The following DACH1 variants were observed in gnomAD, a reference collection of about 807,000 sequenced individuals.
The protein encoded by DACH1 is dachshund homolog 1.
Under a neutral mutation model 54.2 loss-of-function variants are expected in DACH1, and 12 were observed. The observed-to-expected ratio is 0.22, with a 90% CI of 0.14 to 0.36. DACH1 has a LOEUF of 0.36. Ranked by LOEUF, DACH1 falls within the 10% of genes least tolerant of loss-of-function variation. DACH1 has a pLI of 1.00. For synonymous variants in DACH1, 386 were observed against 366.2 expected (o/e 1.05, Z -0.62); for missense variants, 805 against 929.8 (o/e 0.87, Z 1.75).
chr13:71,459,009 C>T (rs1448667213), intron 10 of DACH1, among the ~76,000 whole-genome samples: 1 of 151,752 alleles, frequency 6.6e-6, no homozygotes, highest in East Asian at 1.9e-4. Flanking sequence ...AGTGAATTGG[C>T]TGCTACAGAT....
At chr13:71,451,805 G>A (rs1432443655) in intron 10 of DACH1, among the ~76,000 whole-genome samples, 2 of 152,130 alleles carry the variant, frequency 1.3e-5, no homozygotes, top group Non-Finnish European at 2.9e-5. Flanking sequence ...TGACAAAATT[G>A]GAAGTTGGAT....
intron 1 of DACH1, among the ~76,000 whole-genome samples, chr13:71,812,417 T>G (rs769004625): frequency 2.0e-5 from 3 of 152,210 alleles, no homozygotes; most frequent in Non-Finnish European, 4.4e-5. Context: ...TATTCTTATC[T>G]TGATGAATTC....
At chr13:71,537,608 T>C (rs1367062958) in intron 6 of DACH1, among the ~76,000 whole-genome samples, 2 of 152,054 alleles carry the variant, frequency 1.3e-5, no homozygotes, top group African/African-American at 4.8e-5. Flanking sequence ...ATAACAATGT[T>C]AGAGTTCCAT....
At chr13:71,813,701 T>A (rs9564847) in intron 1 of DACH1, among the ~76,000 whole-genome samples, 25,735 of 152,048 alleles carry the variant, frequency 0.17, 3,980 homozygotes, top group East Asian at 0.83. Flanking sequence ...GGCGAATATA[T>A]ACAAGACTCA....
At chr13:71,699,373 A>G (rs1881997048) in intron 1 of DACH1, among the ~76,000 whole-genome samples, 1 of 152,188 alleles carries the variant, frequency 6.6e-6, no homozygotes. Flanking sequence ...ATTTTTTGGT[A>G]ACATTTAGCC....
intron 2 of DACH1, among the ~76,000 whole-genome samples, chr13:71,676,972 A>G (rs923913320): frequency 6.6e-5 from 10 of 152,192 alleles, no homozygotes; most frequent in Admixed American, 3.9e-4. Flanking sequence ...ATACTAAATA[A>G]TTTTTATATG....
chr13:71,557,305 C>T (rs1424706181), intron 5 of DACH1, 147 bp from the exon 6 acceptor site: 7 of 535,090 alleles, frequency 1.3e-5, no homozygotes, highest in Non-Finnish European at 2.0e-5. Flanking sequence ...TAATCTATCC[C>T]TAAAAACACT....
intron 6 of DACH1, 126 bp from the exon 7 acceptor site, chr13:71,489,274 A>C: frequency 9.7e-7 from 1 of 1,032,192 alleles, no homozygotes; most frequent in Non-Finnish European, 1.4e-6. Flanking sequence ...ATCAGGAGAA[A>C]ATGCTTTCTG....
chr13:71,619,143 T>C (rs112390268), intron 3 of DACH1, among the ~76,000 whole-genome samples: 1,888 of 151,868 alleles, frequency 0.012, 45 homozygotes, highest in African/African-American at 0.043. Flanking sequence ...CATATAAATT[T>C]ATATATTTTA....
intron 1 of DACH1, among the ~76,000 whole-genome samples, chr13:71,810,834 A>C (rs1011953169): frequency 6.6e-6 from 1 of 152,170 alleles, no homozygotes; most frequent in Non-Finnish European, 1.5e-5. Context: ...GATACAGTAC[A>C]TTTTATGATG....
intron 1 of DACH1, among the ~76,000 whole-genome samples, chr13:71,730,601 A>T (rs745330902): frequency 2.2e-4 from 34 of 152,202 alleles, no homozygotes; most frequent in Non-Finnish European, 4.6e-4. Context: ...GTTTGCACAC[A>T]CATACACACA....
At chr13:71,523,861 A>G (rs1306771282) in intron 6 of DACH1, among the ~76,000 whole-genome samples, 1 of 152,138 alleles carries the variant, frequency 6.6e-6, no homozygotes, top group Non-Finnish European at 1.5e-5. Context: ...TCTACTTCCA[A>G]AAACTGTTTG....
chr13:71,707,473 T>C (rs1016640669), intron 1 of DACH1, among the ~76,000 whole-genome samples: 1 of 152,136 alleles, frequency 6.6e-6, no homozygotes, highest in African/African-American at 2.4e-5. Flanking sequence ...GCCCTGAGCC[T>C]CCCTGAACAC....
At chr13:71,808,053 T>C (rs937613223) in intron 1 of DACH1, among the ~76,000 whole-genome samples, 4 of 152,192 alleles carry the variant, frequency 2.6e-5, no homozygotes, top group Non-Finnish European at 5.9e-5. Context: ...AGATTCTTTG[T>C]GATCTGACCA....
At chr13:71,703,219 C>T (rs1423977166) in intron 1 of DACH1, among the ~76,000 whole-genome samples, 5 of 152,184 alleles carry the variant, frequency 3.3e-5, no homozygotes, top group Admixed American at 2.6e-4. Flanking sequence ...CCTGCTTTCA[C>T]ATAGGCAGAA....
At chr13:71,597,411 C>G (rs1874173324) in intron 3 of DACH1, among the ~76,000 whole-genome samples, 1 of 152,078 alleles carries the variant, frequency 6.6e-6, no homozygotes, top group African/African-American at 2.4e-5. Context: ...ACAAATAAAA[C>G]AGCTGTACAT....
intron 3 of DACH1, among the ~76,000 whole-genome samples, chr13:71,598,043 C>G (rs1284605013): frequency 3.3e-5 from 5 of 150,432 alleles, no homozygotes; most frequent in African/African-American, 1.2e-4. Context: ...GGGCTCCTCT[C>G]CACTCCAGTC....
intron 6 of DACH1, among the ~76,000 whole-genome samples, chr13:71,503,319 A>G (rs970477205): frequency 6.6e-6 from 1 of 152,204 alleles, no homozygotes; most frequent in African/African-American, 2.4e-5. Context: ...TGCCTGGCAC[A>G]TAACATATTT....
At chr13:71,611,091 C>A (rs1183135831) in intron 3 of DACH1, among the ~76,000 whole-genome samples, 2 of 152,188 alleles carry the variant, frequency 1.3e-5, no homozygotes, top group Admixed American at 6.5e-5. Flanking sequence ...AGCAGTCCCT[C>A]GGCACTTGTG....
Sources: allele counts gnomAD v4.1 joint callset (sites outside exome capture counted in the v4.1 genomes callset), GRCh38; gene constraint gnomAD v4.1.1; transcripts MANE v1.5; gene names NCBI Gene and HGNC (gene_info 2026-07-23, HGNC 2026-07-21).